Variants in PDE6A observed in about 807,000 individuals in gnomAD.
The protein encoded by PDE6A is rod cGMP-specific 3',5'-cyclic phosphodiesterase subunit alpha.
A neutral mutation model predicts 106.3 loss-of-function variants in PDE6A; 84 were observed. That is an observed-to-expected ratio of 0.79 (90% confidence interval 0.66 to 0.95). PDE6A has a LOEUF of 0.95. PDE6A is among the 40% of genes least tolerant of loss of function. PDE6A has a pLI of 0.00. For synonymous variants in PDE6A, 394 were observed against 386.6 expected, an observed-to-expected ratio of 1.02 and a Z score of -0.23; for missense variants, 1,052 against 1,084.9, an observed-to-expected ratio of 0.97 and a Z score of 0.43.
Position 149,933,911 on chromosome 5 carries a change from C to T in PDE6A, c.717+19G>A. ...GGAAAGGACGAGTCAAGTCCATTCC[C>T]TTGGCCCAAGCCCCTTACCTGGCCA... On this transcript the variant is annotated intron_variant, in intron 3 of 21. Coordinates refer to ENST00000255266, the MANE Select transcript of PDE6A (RefSeq NM_000440.3). The T allele has an allele frequency of 1.3e-6, 2 of 1,593,282 alleles. No homozygotes were observed. Among genetic ancestry groups the T allele is most frequent in the Non-Finnish European group, 1.7e-6 (2 of 1,162,088 alleles).
Position 149,863,371 on chromosome 5 carries a change from G to T in PDE6A, c.2359-105C>A. On this transcript the variant is annotated intron_variant, in intron 20 of 21. Transcript: ENST00000255266. The surrounding 1 kb of genome is among the most constrained non-coding windows in gnomAD (Gnocchi z 4.7). Reference sequence around the variant, plus strand: ...GTCCAACACTGGAATGAGCTGCTTCGGAGTAGCAGGCCTCCCGCCACCGTG... The same window carrying T: ...GTCCAACACTGGAATGAGCTGCTTCTGAGTAGCAGGCCTCCCGCCACCGTG... 8.6e-7 allele frequency: 1 copy of T among 1,158,722 alleles called. No homozygotes were observed. Among genetic ancestry groups the T allele is most frequent in the Non-Finnish European group, 1.3e-6 (1 of 787,878 alleles). The allele number at this position is 1,158,722 out of a possible 1,614,324, so 71.8% of individuals were successfully genotyped here. A position where few individuals can be genotyped will look rare whatever the true frequency, so the allele number is the denominator to read the frequency against.
At chr5:149,913,115 C>G (rs1344449708) in intron 6 of PDE6A, among the ~76,000 whole-genome samples, 1 of 152,132 alleles carries the variant, frequency 6.6e-6, no homozygotes, top group Non-Finnish European at 1.5e-5. Flanking sequence ...GGTGCCAGGG[C>G]TCATGCCAGT....
At chr5:149,918,616 A>C (rs562419415) in intron 5 of PDE6A, among the ~76,000 whole-genome samples, 1 of 151,858 alleles carries the variant, frequency 6.6e-6, no homozygotes, top group Non-Finnish European at 1.5e-5. Flanking sequence ...TTATTTTATT[A>C]ATTTACTTTT....
At chr5:149,928,518 G>A (rs1581207547) in intron 4 of PDE6A, among the ~76,000 whole-genome samples, 1 of 152,108 alleles carries the variant, frequency 6.6e-6, no homozygotes, top group African/African-American at 2.4e-5. Context: ...TTACAGGCGT[G>A]AGCCACCGCG....
At chr5:149,879,272 A>G (rs942751877) in intron 17 of PDE6A, among the ~76,000 whole-genome samples, 4 of 151,860 alleles carry the variant, frequency 2.6e-5, no homozygotes, top group Non-Finnish European at 5.9e-5. Context: ...GCGTTTCACC[A>G]TGTTGGCCAG....
rs386405293 is a variant in PDE6A at position 149,910,874 on chromosome 5, C to CTTTTTTTTTT, written c.999-3506_999-3497dup. Among the ~76,000 whole-genome samples the CTTTTTTTTTT allele has an allele frequency of 5.9e-4, 51 of 87,128 alleles. 2 individuals carry two copies. The highest frequency in any genetic ancestry group is 9.6e-4 in the South Asian group (2 of 2,084). The allele number at this position is 87,128 out of a possible 152,430, so 57.2% of individuals were successfully genotyped here. A position where few individuals can be genotyped will look rare whatever the true frequency, so the allele number is the denominator to read the frequency against. On this transcript the variant is annotated intron_variant, in intron 6 of 21. Transcript: ENST00000255266. ...TTCCAAACAAGCCAGTTTCTTTTTC[C>CTTTTTTTTTT]TTTTTTTTTTTTTTTTTTTTTTTGA...
intron 5 of PDE6A, among the ~76,000 whole-genome samples, chr5:149,919,896 A>G (rs1753653688): frequency 6.6e-6 from 1 of 152,228 alleles, no homozygotes; most frequent in African/African-American, 2.4e-5. Flanking sequence ...ATGAAGCAAG[A>G]TGTAGCTGAC....
intron 1 of PDE6A, among the ~76,000 whole-genome samples, chr5:149,935,920 G>A (rs1252095764): frequency 2.6e-5 from 4 of 152,204 alleles, no homozygotes; most frequent in African/African-American, 9.6e-5. Flanking sequence ...GGAAGGCCAA[G>A]GTGGGAGTAT....
At chr5:149,887,761 G>C (rs1395140644) in intron 13 of PDE6A, among the ~76,000 whole-genome samples, 1 of 151,902 alleles carries the variant, frequency 6.6e-6, no homozygotes, top group Non-Finnish European at 1.5e-5. Context: ...GCATCCCACC[G>C]AGACAAAAGC....
At chr5:149,861,441 G>C in intron 21 of PDE6A, among the ~76,000 whole-genome samples, 1 of 152,212 alleles carries the variant, frequency 6.6e-6, no homozygotes, top group East Asian at 1.9e-4. Context: ...TTGAGCCCAA[G>C]AGTTGGAGGC....
At chr5:149,916,566 A>G (rs1753560939) in intron 5 of PDE6A, among the ~76,000 whole-genome samples, 1 of 152,122 alleles carries the variant, frequency 6.6e-6, no homozygotes, top group African/African-American at 2.4e-5. Context: ...GCATTGTTAA[A>G]ATTCCCATTC....
intron 6 of PDE6A, among the ~76,000 whole-genome samples, chr5:149,909,043 T>G (rs942076548): frequency 1.3e-5 from 2 of 152,210 alleles, no homozygotes; most frequent in African/African-American, 4.8e-5. Context: ...ATTCTTTTTT[T>G]CAAGATAGGG....
At chr5:149,915,222 T>A (rs112088906) in intron 5 of PDE6A, among the ~76,000 whole-genome samples, 3,099 of 151,068 alleles carry the variant, frequency 0.021, 94 homozygotes, top group African/African-American at 0.071. Context: ...TTTAGCAGAG[T>A]CAGGGTTCCA....
At chr5:149,873,784 G>A (rs894336119) in intron 17 of PDE6A, among the ~76,000 whole-genome samples, 4 of 152,080 alleles carry the variant, frequency 2.6e-5, no homozygotes, top group Admixed American at 6.5e-5. Context: ...GCAAAATCTG[G>A]AATTAAGGGG....
At chr5:149,931,934 A>G in intron 3 of PDE6A, 1 of 981,640 alleles carries the variant, frequency 1.0e-6, no homozygotes, top group Non-Finnish European at 1.6e-6. Flanking sequence ...CAATGAAGAG[A>G]CAGAAACAAA....
At chr5:149,891,979 A>G (rs1375531530) in intron 13 of PDE6A, among the ~76,000 whole-genome samples, 1 of 152,226 alleles carries the variant, frequency 6.6e-6, no homozygotes. Context: ...GTTCCCATAC[A>G]GGAAGGCTGA....
intron 13 of PDE6A, among the ~76,000 whole-genome samples, chr5:149,890,357 G>A (rs771980577): frequency 2.0e-5 from 3 of 152,092 alleles, no homozygotes; most frequent in African/African-American, 7.2e-5. Context: ...ATCTCTTCTT[G>A]TAAAAAGAGA....
intron 17 of PDE6A, among the ~76,000 whole-genome samples, chr5:149,879,694 C>G (rs185259338): frequency 2.7e-5 from 4 of 149,470 alleles, no homozygotes; most frequent in Non-Finnish European, 5.9e-5. Flanking sequence ...TTTGTTCTTG[C>G]GATAGTTTAC....
intron 4 of PDE6A, among the ~76,000 whole-genome samples, chr5:149,926,865 C>T (rs1753876488): frequency 1.3e-5 from 2 of 151,528 alleles, no homozygotes. Context: ...GTAATCCCAG[C>T]TACTTGGGAG....
Sources: gnomAD v4.1 joint callset for allele counts (sites outside exome capture counted in the v4.1 genomes callset) on GRCh38, gnomAD v4.1.1 for gene constraint, Gnocchi (gnomAD v3.1) non-coding constraint, MANE v1.5 for transcripts, NCBI Gene and HGNC (gene_info 2026-07-23, HGNC 2026-07-21) for gene names.